Variants in RUNX1 observed in about 807,000 individuals in gnomAD.
RUNX1 encodes the protein runt-related transcription factor 1.
A neutral mutation model predicts 42.8 loss-of-function variants in RUNX1; 19 were observed. That is an observed-to-expected ratio of 0.44 (90% CI 0.31 to 0.65). The LOEUF (loss-of-function observed/expected upper bound fraction) is 0.65. Ranked by LOEUF, RUNX1 falls within the 30% of genes least tolerant of loss-of-function variation. RUNX1 has a pLI of 0.07. For synonymous variants in RUNX1, 271 were observed against 289.4 expected (o/e 0.94, Z 0.64); for missense variants, 528 against 672.0 (o/e 0.79, Z 2.37).
chr21:34,952,635 A>G (rs73900726), intron 2 of RUNX1, among the ~76,000 whole-genome samples: 1,592 of 152,276 alleles, frequency 0.01, 28 homozygotes, highest in African/African-American at 0.036. Flanking sequence ...TCATCTCTTC[A>G]ACACCTCTCT....
In RUNX1 at chr21:34,791,876, A is replaced by C. The variant is rs1220532776; in HGVS notation, c.*259T>G. 1 of 261,668 alleles carries C rather than the reference A, an allele frequency of 3.8e-6. No individual in the cohort carries two copies. The highest frequency in any genetic ancestry group is 7.4e-6 in the Non-Finnish European group (1 of 135,236). 16.2% of individuals were successfully genotyped at this position (261,668 alleles called of 1,614,324 possible). A position where few individuals can be genotyped will look rare whatever the true frequency, so the allele number is the denominator to read the frequency against. The stretch of plus-strand genomic sequence containing the variant: ...GTCCCCTGGGTGCTGGGGCCGGCGG[A>C]CACCCTCGAGGTGCGTCGCCTCGGA... On this transcript the variant is annotated 3_prime_UTR_variant, in exon 9 of 9. Transcript: ENST00000675419.
At chr21:34,880,447 T>C in intron 5 of RUNX1, 110 bp downstream of exon 5, 1 of 1,027,816 alleles carries the variant, frequency 9.7e-7, no homozygotes, top group Non-Finnish European at 1.5e-6. Flanking sequence ...ATAAGAATGT[T>C]AAGACAGACC....
chr21:34,893,188 T>C (rs1199240219), intron 2 of RUNX1, among the ~76,000 whole-genome samples: 1 of 152,190 alleles, frequency 6.6e-6, no homozygotes, highest in African/African-American at 2.4e-5. Flanking sequence ...TCTCCTTCAC[T>C]AGCTAATACT....
chr21:34,852,987 G>A lies in RUNX1; in HGVS notation c.613+6487C>T, dbSNP rs1009396014. 1.5e-4 allele frequency among the ~76,000 whole-genome samples: 23 copies of A among 152,268 alleles called. No individual in the cohort carries two copies. The East Asian group carries it at 3.1e-3, about 20-fold the overall frequency. On this transcript the variant is annotated intron_variant, in intron 6 of 8. Transcript: ENST00000675419. ...GAGTGACACATCTTTTCATCCCCCCGGCGGCTACGTGCTGTGCACACGGGC... is the reference window on the plus strand; with the variant it reads ...GAGTGACACATCTTTTCATCCCCCCAGCGGCTACGTGCTGTGCACACGGGC...
intron 6 of RUNX1, among the ~76,000 whole-genome samples, chr21:34,856,809 G>A (rs2057500438): frequency 6.6e-6 from 1 of 152,168 alleles, no homozygotes; most frequent in Admixed American, 6.5e-5. Flanking sequence ...TAATCATGGA[G>A]GGGACTCGGG....
chr21:34,873,859 G>A (rs148778442), intron 5 of RUNX1, among the ~76,000 whole-genome samples: 438 of 152,352 alleles, frequency 2.9e-3, no homozygotes, highest in Non-Finnish European at 4.4e-3. Context: ...TGGAGTATGC[G>A]CGCTGCCTGA....
chr21:34,811,458 C>A (rs902135481), intron 7 of RUNX1, among the ~76,000 whole-genome samples: 9 of 152,208 alleles, frequency 5.9e-5, no homozygotes, highest in African/African-American at 1.7e-4. Flanking sequence ...AGGACAGAAC[C>A]TCAGGGAACT....
intron 2 of RUNX1, among the ~76,000 whole-genome samples, chr21:34,981,252 C>T (rs2058844339): frequency 6.6e-6 from 1 of 152,170 alleles, no homozygotes; most frequent in Non-Finnish European, 1.5e-5. Context: ...CCTTTGGAGT[C>T]CTTGTTCCAA....
chr21:35,016,017 C>T lies in RUNX1; in HGVS notation c.58+32825G>A, dbSNP rs148710170. 3.5e-3 allele frequency among the ~76,000 whole-genome samples: 540 copies of T among 152,292 alleles called. 4 individuals are homozygous for T. Among genetic ancestry groups the T allele is most frequent in the African/African-American group, 0.012 (506 of 41,554 alleles). On this transcript the variant is annotated intron_variant, in intron 2 of 8. Transcript: ENST00000675419. ...TTTCATTATGATAGTATACTTGATA[C>T]ATGTTATTTTAGGCTTCAGAACTAC... is the stretch of plus-strand genomic sequence containing the variant.
At chr21:34,889,747 G>A (rs988004819) in intron 3 of RUNX1, 5 of 1,165,394 alleles carry the variant, frequency 4.3e-6, no homozygotes, top group South Asian at 2.0e-5. Context: ...TTTTCGCGGA[G>A]CTCGGAGGGC....
At position 34,788,143 on chromosome 21, in the gene RUNX1, G is replaced by A. The variant is rs1182656150; in HGVS notation, c.*3992C>T. On this transcript the variant is annotated 3_prime_UTR_variant, in exon 9 of 9. Transcript: ENST00000675419. Reference sequence around the variant, plus strand: ...GAAGCATTCCATACGTTTGTACCAGGGAGAAAGAAGCCCACGCACGAATTT... The same window carrying A: ...GAAGCATTCCATACGTTTGTACCAGAGAGAAAGAAGCCCACGCACGAATTT... 8.6e-6 allele frequency: 2 copies of A among 233,228 alleles called. No homozygotes were observed. The highest frequency in any genetic ancestry group is 1.7e-5 in the Non-Finnish European group (2 of 118,070). 14.4% of individuals were successfully genotyped at this position (233,228 alleles called of 1,614,324 possible). A position where few individuals can be genotyped will look rare whatever the true frequency, so the allele number is the denominator to read the frequency against.
intron 6 of RUNX1, among the ~76,000 whole-genome samples, chr21:34,837,430 G>A (rs929285686): frequency 2.6e-5 from 4 of 152,180 alleles, no homozygotes; most frequent in African/African-American, 7.2e-5. Flanking sequence ...AAGCTAGATC[G>A]AAGGAACATC....
intron 2 of RUNX1, among the ~76,000 whole-genome samples, chr21:34,975,885 T>TC (rs928571566): frequency 3.3e-5 from 5 of 152,020 alleles, no homozygotes; most frequent in African/African-American, 7.3e-5. Flanking sequence ...GAAGAGTTTA[T>TC]AAAGGAGAGT....
At chr21:34,852,529 A>G (rs766573689) in intron 6 of RUNX1, among the ~76,000 whole-genome samples, 9 of 152,256 alleles carry the variant, frequency 5.9e-5, no homozygotes, top group Non-Finnish European at 1.0e-4. Context: ...AATGCTTTAA[A>G]AACTGCCTTT....
chr21:34,983,914 T>G (rs913024043), intron 2 of RUNX1, among the ~76,000 whole-genome samples: 2 of 152,188 alleles, frequency 1.3e-5, no homozygotes, highest in African/African-American at 4.8e-5. Context: ...GGGCCAATGG[T>G]GCTGCTGCCA....
intron 2 of RUNX1, among the ~76,000 whole-genome samples, chr21:34,938,035 G>C (rs1345890305): frequency 6.6e-6 from 1 of 152,164 alleles, no homozygotes; most frequent in Non-Finnish European, 1.5e-5. Flanking sequence ...TATGCATAGT[G>C]CCGTGCCATT....
rs759758801 is a variant in RUNX1 at position 34,792,628 on chromosome 21, G to A, written c.968-18C>T. 3 of 1,560,954 alleles carry A rather than the reference G, an allele frequency of 1.9e-6. No homozygotes were observed. The highest frequency in any genetic ancestry group is 2.6e-6 in the Non-Finnish European group (3 of 1,153,070). Reference sequence around the variant, plus strand: ...GGGTGCCGCTGCAGGGCGGGCAAGAGAACGGAGCGGAAGTGAGTAGGAGGT... The same window carrying A: ...GGGTGCCGCTGCAGGGCGGGCAAGAAAACGGAGCGGAAGTGAGTAGGAGGT... On this transcript the variant is annotated intron_variant, in intron 8 of 8. Coordinates refer to ENST00000675419, the MANE Select transcript of RUNX1 (RefSeq NM_001754.5). This position sits in a 1 kb window ranked among gnomAD's most constrained non-coding sequence, Gnocchi z 6.9.
chr21:34,802,157 G>C (rs1475867011), intron 7 of RUNX1, among the ~76,000 whole-genome samples: 1 of 152,238 alleles, frequency 6.6e-6, no homozygotes, highest in Non-Finnish European at 1.5e-5. Context: ...AGAGGAAGTA[G>C]AGGAGAGTAC....
At chr21:34,876,276 C>T (rs1434463776) in intron 5 of RUNX1, among the ~76,000 whole-genome samples, 1 of 152,216 alleles carries the variant, frequency 6.6e-6, no homozygotes, top group Non-Finnish European at 1.5e-5. Context: ...TCAAGGAGAT[C>T]TACTTTCTTA....
Sources: gnomAD v4.1 joint callset for allele counts (sites outside exome capture counted in the v4.1 genomes callset) on GRCh38, gnomAD v4.1.1 for gene constraint, Gnocchi (gnomAD v3.1) non-coding constraint, MANE v1.5 for transcripts, NCBI Gene and HGNC (gene_info 2026-07-23, HGNC 2026-07-21) for gene names.